The following KCNQ5 variants were observed in gnomAD, a reference collection of about 807,000 sequenced individuals.
KCNQ5 encodes potassium voltage-gated channel subfamily Q member 5.
Under a neutral mutation model 98.2 loss-of-function variants are expected in KCNQ5, and 30 were observed. That is an observed-to-expected ratio of 0.31 (90% CI 0.23 to 0.41). KCNQ5 has a LOEUF of 0.41. Ranked by LOEUF, KCNQ5 falls within the 10% of genes least tolerant of loss-of-function variation. KCNQ5 has a pLI of 1.00. For synonymous variants in KCNQ5, 458 were observed against 449.4 expected, an observed-to-expected ratio of 1.02 and a Z score of -0.24; for missense variants, 835 against 1,182.5, an observed-to-expected ratio of 0.71 and a Z score of 4.31.
At chr6:72,637,765 A>C (rs886887137) in intron 1 of KCNQ5, among the ~76,000 whole-genome samples, 1 of 152,186 alleles carries the variant, frequency 6.6e-6, no homozygotes, top group Non-Finnish European at 1.5e-5. Flanking sequence ...TGGCAATCCA[A>C]ATGACATTTG....
At chr6:72,724,673 C>T (rs1046289349) in intron 1 of KCNQ5, among the ~76,000 whole-genome samples, 1 of 152,138 alleles carries the variant, frequency 6.6e-6, no homozygotes, top group Admixed American at 6.5e-5. Context: ...GAGATTTATG[C>T]CCCTTGTGTC....
At chr6:72,750,918 A>G (rs1285806026) in intron 1 of KCNQ5, among the ~76,000 whole-genome samples, 2 of 152,032 alleles carry the variant, frequency 1.3e-5, no homozygotes, top group Non-Finnish European at 2.9e-5. Flanking sequence ...AGTTTCATCA[A>G]TTTATGTCAT....
chr6:72,753,314 A>G (rs1300470571), intron 1 of KCNQ5, among the ~76,000 whole-genome samples: 3 of 151,992 alleles, frequency 2.0e-5, no homozygotes, highest in Non-Finnish European at 4.4e-5. Context: ...GTTGGATCCC[A>G]TTTTACAGGT....
At chr6:72,813,353 G>C (rs568068950) in intron 1 of KCNQ5, among the ~76,000 whole-genome samples, 40 of 151,846 alleles carry the variant, frequency 2.6e-4, no homozygotes, top group Non-Finnish European at 4.4e-4. Context: ...TGTATTCTTT[G>C]TTAAATGGAA....
At chr6:73,139,358 G>A (rs535362941) in intron 10 of KCNQ5, among the ~76,000 whole-genome samples, 1 of 152,212 alleles carries the variant, frequency 6.6e-6, no homozygotes, top group Admixed American at 6.5e-5. Flanking sequence ...ATGATCAAGT[G>A]TGGGGGGAAG....
At chr6:73,026,353 C>T (rs1770889748) in intron 2 of KCNQ5, among the ~76,000 whole-genome samples, 2 of 152,186 alleles carry the variant, frequency 1.3e-5, no homozygotes, top group Admixed American at 6.5e-5. Flanking sequence ...TCAGCCAGCC[C>T]GGTCTCCTTG....
Position 72,622,458 on chromosome 6 carries a change from TGG to T in KCNQ5, c.272_273del (p.Gly91GlufsTer8). ...AAGCAGGGGGCCCGGATGAGCCTGC[TGG>T]GGAAGCCGCTCTCTTACACGAGTAG... On this transcript the variant is annotated frameshift_variant, in exon 1 of 14. Coordinates refer to ENST00000370398, the MANE Select transcript of KCNQ5 (RefSeq NM_019842.4). LOFTEE classifies it high-confidence loss of function. This position sits in a 1 kb window ranked among gnomAD's most constrained non-coding sequence, Gnocchi z 6.0. 6.3e-7 allele frequency: 1 copy of T among 1,594,780 alleles called. No individual in the cohort carries two copies. The highest frequency in any genetic ancestry group is 8.5e-7 in the Non-Finnish European group (1 of 1,171,504).
chr6:72,829,207 G>A (rs925705100), intron 1 of KCNQ5, among the ~76,000 whole-genome samples: 9 of 152,062 alleles, frequency 5.9e-5, no homozygotes, highest in South Asian at 2.1e-4. Context: ...CAGCAGGACC[G>A]CTTATGGAGA....
intron 3 of KCNQ5, among the ~76,000 whole-genome samples, chr6:73,062,585 A>C (rs752396548): frequency 1.3e-5 from 2 of 152,208 alleles, no homozygotes; most frequent in African/African-American, 2.4e-5. Flanking sequence ...GAGAAAAAAA[A>C]TGTGGCAATT....
chr6:73,049,170 T>C (rs1051612107), intron 3 of KCNQ5, among the ~76,000 whole-genome samples: 6 of 152,350 alleles, frequency 3.9e-5, no homozygotes, highest in African/African-American at 1.4e-4. Context: ...TTTTTTATTT[T>C]TAATAAATAT....
chr6:73,100,194 G>T (rs1367855985), intron 5 of KCNQ5, among the ~76,000 whole-genome samples: 1 of 152,106 alleles, frequency 6.6e-6, no homozygotes, highest in Non-Finnish European at 1.5e-5. Context: ...TACAGCAAAA[G>T]GAGTACTAAA....
intron 9 of KCNQ5, among the ~76,000 whole-genome samples, chr6:73,131,043 T>C (rs1776212220): frequency 6.6e-6 from 1 of 152,146 alleles, no homozygotes; most frequent in Admixed American, 6.5e-5. Context: ...TTTTGTCAAC[T>C]TTAAGTGCTT....
intron 5 of KCNQ5, among the ~76,000 whole-genome samples, chr6:73,089,115 T>C (rs1457864588): frequency 6.6e-6 from 1 of 152,172 alleles, no homozygotes; most frequent in Non-Finnish European, 1.5e-5. Context: ...ATTCAGTAAA[T>C]ATATATTGAG....
intron 3 of KCNQ5, among the ~76,000 whole-genome samples, chr6:73,053,893 A>T (rs1772349666): frequency 6.6e-6 from 1 of 152,156 alleles, no homozygotes; most frequent in African/African-American, 2.4e-5. Flanking sequence ...CATACAGAAG[A>T]TCAATGAATC....
chr6:73,019,963 A>G (rs930957372), intron 2 of KCNQ5, among the ~76,000 whole-genome samples: 4 of 152,210 alleles, frequency 2.6e-5, no homozygotes, highest in African/African-American at 9.6e-5. Flanking sequence ...TTTTAGAATT[A>G]AAAGATTTAA....
chr6:72,900,523 A>C (rs145415474), intron 1 of KCNQ5, among the ~76,000 whole-genome samples: 1 of 148,596 alleles, frequency 6.7e-6, no homozygotes, highest in Non-Finnish European at 1.5e-5. Context: ...ATATTTATAT[A>C]TATACCACAG....
chr6:73,041,026 G>T (rs796699725), intron 2 of KCNQ5, among the ~76,000 whole-genome samples: 7 of 152,088 alleles, frequency 4.6e-5, no homozygotes, highest in African/African-American at 1.7e-4. Flanking sequence ...TATAAATCTT[G>T]AATCAACCCT....
chr6:72,841,335 A>G (rs117702298), intron 1 of KCNQ5, among the ~76,000 whole-genome samples: 1,856 of 152,160 alleles, frequency 0.012, 20 homozygotes, highest in Middle Eastern at 0.024. Flanking sequence ...ACCTTCTTGA[A>G]CTGCATGCAT....
intron 1 of KCNQ5, among the ~76,000 whole-genome samples, chr6:72,787,203 CAAAA>C (rs1773802555): frequency 6.6e-6 from 1 of 151,932 alleles, no homozygotes; most frequent in African/African-American, 2.4e-5. Flanking sequence ...TGAAAGAAGT[CAAAA>C]GAAGAATAAA....
Sources: gnomAD v4.1 joint callset for allele counts (sites outside exome capture counted in the v4.1 genomes callset) on GRCh38, gnomAD v4.1.1 for gene constraint, Gnocchi (gnomAD v3.1) non-coding constraint, MANE v1.5 for transcripts, NCBI Gene and HGNC (gene_info 2026-07-23, HGNC 2026-07-21) for gene names.